Variants in POFUT3 observed in about 807,000 individuals in gnomAD.
POFUT3 encodes the protein GDP-fucose protein O-fucosyltransferase 3.
chr8:33,423,448 A>G, the POFUT3 span, among the ~76,000 whole-genome samples: 2 of 151,404 alleles, frequency 1.3e-5, no homozygotes, highest in Admixed American at 6.6e-5. Context: ...TTTCAAATTT[A>G]TTGTAGAAAT....
chr8:33,387,962 T>G, the POFUT3 span, among the ~76,000 whole-genome samples: 1 of 152,212 alleles, frequency 6.6e-6, no homozygotes, highest in Non-Finnish European at 1.5e-5. Flanking sequence ...TTTCAACAAA[T>G]TTCCTTTGAA....
the POFUT3 span, among the ~76,000 whole-genome samples, chr8:33,342,017 C>G: frequency 7.3e-3 from 1,114 of 152,110 alleles, 11 homozygotes; most frequent in African/African-American, 0.025. Context: ...CCCCACTCTA[C>G]TAAATATACA....
chr8:33,438,216 GTTAA>G, the POFUT3 span, among the ~76,000 whole-genome samples: 3 of 152,178 alleles, frequency 2.0e-5, no homozygotes, highest in Non-Finnish European at 4.4e-5. Flanking sequence ...AATAAGCACA[GTTAA>G]TTATTCTTTA....
chr8:33,409,784 A>G, the POFUT3 span, among the ~76,000 whole-genome samples: 2 of 152,206 alleles, frequency 1.3e-5, no homozygotes, highest in Admixed American at 1.3e-4. Flanking sequence ...ACACACCTGT[A>G]ATCCCAGCTA....
At chr8:33,456,054 G>C in the POFUT3 span, among the ~76,000 whole-genome samples, 2 of 152,192 alleles carry the variant, frequency 1.3e-5, no homozygotes, top group African/African-American at 2.4e-5. Context: ...TCTGCCTGTT[G>C]CCAATAGCTC....
the POFUT3 span, among the ~76,000 whole-genome samples, chr8:33,354,787 C>A: frequency 6.6e-6 from 1 of 152,138 alleles, no homozygotes; most frequent in Non-Finnish European, 1.5e-5. Flanking sequence ...GAATAACAGA[C>A]TTGACTAATG....
At chr8:33,419,376 C>A in the POFUT3 span, among the ~76,000 whole-genome samples, 1 of 152,176 alleles carries the variant, frequency 6.6e-6, no homozygotes, top group African/African-American at 2.4e-5. Flanking sequence ...TAAAACTGTT[C>A]CACCTTAGAT....
At chr8:33,380,163 C>CTA in the POFUT3 span, among the ~76,000 whole-genome samples, 1 of 44,168 alleles carries the variant, frequency 2.3e-5, no homozygotes. Flanking sequence ...TATATATATA[C>CTA]TATATATATA....
chr8:33,329,062 T>C, the POFUT3 span, among the ~76,000 whole-genome samples: 1 of 152,252 alleles, frequency 6.6e-6, no homozygotes, highest in Non-Finnish European at 1.5e-5. Context: ...TTCCAAAGAC[T>C]GTTAGGCTTT....
chr8:33,392,853 G>A, the POFUT3 span, among the ~76,000 whole-genome samples: 1 of 151,996 alleles, frequency 6.6e-6, no homozygotes, highest in Non-Finnish European at 1.5e-5. Context: ...GCATGGTGGT[G>A]CATGCCTATA....
the POFUT3 span, among the ~76,000 whole-genome samples, chr8:33,350,145 G>T: frequency 6.6e-6 from 1 of 151,982 alleles, no homozygotes; most frequent in East Asian, 1.9e-4. Context: ...TGAGTTCCTT[G>T]TAGATTCTGG....
At chr8:33,450,859 C>T in the POFUT3 span, among the ~76,000 whole-genome samples, 1 of 152,030 alleles carries the variant, frequency 6.6e-6, no homozygotes, top group Non-Finnish European at 1.5e-5. Flanking sequence ...ATCTGTGAGT[C>T]CCAAAAAAGT....
At chr8:33,456,082 T>C in the POFUT3 span, among the ~76,000 whole-genome samples, 1 of 152,184 alleles carries the variant, frequency 6.6e-6, no homozygotes. Flanking sequence ...ATTTTTATGA[T>C]GGAACAATGT....
the POFUT3 span, among the ~76,000 whole-genome samples, chr8:33,319,931 T>C: frequency 3.4e-5 from 5 of 149,160 alleles, no homozygotes; most frequent in South Asian, 1.0e-3. Flanking sequence ...ACTGACATAA[T>C]GAATAAATGA....
the POFUT3 span, among the ~76,000 whole-genome samples, chr8:33,325,098 TA>T: frequency 3.8e-3 from 584 of 152,316 alleles, 3 homozygotes; most frequent in Non-Finnish European, 5.0e-3. Context: ...TCCTTAAAGC[TA>T]AAAATTTGGG....
the POFUT3 span, among the ~76,000 whole-genome samples, chr8:33,447,066 G>C: frequency 2.6e-5 from 4 of 152,210 alleles, no homozygotes; most frequent in African/African-American, 9.6e-5. Context: ...GTCATCCATA[G>C]ATGGTGTATG....
the POFUT3 span, among the ~76,000 whole-genome samples, chr8:33,422,656 C>T: frequency 4.0e-5 from 6 of 150,382 alleles, no homozygotes; most frequent in Middle Eastern, 3.5e-3. Context: ...ACTCAATTTG[C>T]TAATCAGGAA....
At chr8:33,468,819 T>C in the POFUT3 span, among the ~76,000 whole-genome samples, 9 of 152,232 alleles carry the variant, frequency 5.9e-5, no homozygotes, top group South Asian at 1.7e-3. Flanking sequence ...CTTCAATGGC[T>C]GCCCAAAGAC....
At chr8:33,417,283 C>G in the POFUT3 span, among the ~76,000 whole-genome samples, 363 of 152,330 alleles carry the variant, frequency 2.4e-3, 1 homozygote, top group African/African-American at 7.8e-3. Flanking sequence ...CAGGGTTCCA[C>G]TGATTCTACA....
Sources: allele counts gnomAD v4.1 joint callset (sites outside exome capture counted in the v4.1 genomes callset), GRCh38; gene constraint gnomAD v4.1.1; transcripts MANE v1.5; gene names NCBI Gene and HGNC (gene_info 2026-07-23, HGNC 2026-07-21).